Variants in TFCP2L1 observed in about 807,000 individuals in gnomAD.
The protein encoded by TFCP2L1 is transcription factor CP2-like protein 1.
In TFCP2L1, 12 loss-of-function variants were observed where a neutral mutation model predicts 72.2. The observed-to-expected ratio is 0.17, with a 90% CI of 0.11 to 0.27. TFCP2L1 has a LOEUF of 0.27. Among genes scored for constraint, TFCP2L1 ranks in the 10% least tolerant of loss-of-function variants. TFCP2L1 has a pLI of 1.00. For synonymous variants in TFCP2L1, 260 were observed against 251.0 expected, an observed-to-expected ratio of 1.04 and a Z score of -0.34; for missense variants, 488 against 624.6, an observed-to-expected ratio of 0.78 and a Z score of 2.33.
Position 121,219,563 on chromosome 2 carries a change from A to G in TFCP2L1, c.*4778T>C, listed in dbSNP as rs561136118. 1.3e-5 allele frequency: 2 copies of G among 152,344 alleles called. No individual in the cohort carries two copies. The highest frequency in any genetic ancestry group is 4.1e-4 in the South Asian group (2 of 4,824). The allele number at this position is 152,344 out of a possible 1,614,324, so 9.4% of individuals were successfully genotyped here. On this transcript the variant is annotated 3_prime_UTR_variant, in exon 15 of 15. Transcript: ENST00000263707. ...GCATGCCGCCTTGCACTGCAGGAGC[A>G]CTGGTGGCACTGTGTACAACCAGGA...
intron 2 of TFCP2L1, among the ~76,000 whole-genome samples, chr2:121,251,818 A>G (rs1396261873): frequency 6.6e-6 from 1 of 152,242 alleles, no homozygotes; most frequent in South Asian, 2.1e-4. Flanking sequence ...TGTTTTTAAA[A>G]GTCACTTTCT....
At chr2:121,252,857 T>C (rs1686639491) in intron 2 of TFCP2L1, among the ~76,000 whole-genome samples, 2 of 152,148 alleles carry the variant, frequency 1.3e-5, no homozygotes, top group South Asian at 4.2e-4. Flanking sequence ...CACCAAAGAA[T>C]AATGGAATGG....
rs766834166 is a variant in TFCP2L1, at chr2:121,246,804, C to A, written c.657+14G>T. The A allele has an allele frequency of 1.2e-6, 2 of 1,613,908 alleles. No individual in the cohort carries two copies. The highest frequency in any genetic ancestry group is 8.5e-7 in the Non-Finnish European group (1 of 1,179,862). On this transcript the variant is annotated intron_variant, in intron 6 of 14. Transcript: ENST00000263707. ...CAGCAGCAGGGCACGGCAGAGCCTGCGAAGCCATCCTACCTTGAACACCTT... is the reference window on the plus strand; with the variant it reads ...CAGCAGCAGGGCACGGCAGAGCCTGAGAAGCCATCCTACCTTGAACACCTT...
At chr2:121,281,346 G>C (rs1255871397) in intron 1 of TFCP2L1, 75 bp from the exon 2 acceptor site, 69 of 1,498,840 alleles carry the variant, frequency 4.6e-5, no homozygotes, top group Non-Finnish European at 5.8e-5. Flanking sequence ...CGAAGCTAGA[G>C]AGACGACGCA....
chr2:121,246,787 G>A, intron 6 of TFCP2L1, 31 bp downstream of exon 6: 1 of 1,613,270 alleles, frequency 6.2e-7, no homozygotes, highest in Non-Finnish European at 8.5e-7. Flanking sequence ...GCCAGCAGCA[G>A]GGCACGGCAG....
chr2:121,266,823 C>T (rs1686939610), intron 2 of TFCP2L1, among the ~76,000 whole-genome samples: 1 of 152,056 alleles, frequency 6.6e-6, no homozygotes, highest in Admixed American at 6.6e-5. Flanking sequence ...TTTTGGCTGG[C>T]TCTTTTTCCT....
chr2:121,277,760 T>C (rs1364151820), intron 2 of TFCP2L1, among the ~76,000 whole-genome samples: 1 of 151,952 alleles, frequency 6.6e-6, no homozygotes, highest in African/African-American at 2.4e-5. Flanking sequence ...GGCTGACAAA[T>C]ATAGTAAATG....
At chr2:121,281,608 T>C (rs1275240340) in intron 1 of TFCP2L1, among the ~76,000 whole-genome samples, 2 of 152,250 alleles carry the variant, frequency 1.3e-5, no homozygotes, top group East Asian at 3.9e-4. Flanking sequence ...TCTAAGACAT[T>C]TATTTGGTTT....
At chr2:121,232,858 C>G (rs13385912) in intron 12 of TFCP2L1, among the ~76,000 whole-genome samples, 4,363 of 152,198 alleles carry the variant, frequency 0.029, 212 homozygotes, top group African/African-American at 0.099. Flanking sequence ...CTGCACCAGC[C>G]AGGCAGGAGC....
At chr2:121,238,286 G>T (rs1686292264) in intron 8 of TFCP2L1, among the ~76,000 whole-genome samples, 2 of 152,166 alleles carry the variant, frequency 1.3e-5, no homozygotes, top group Admixed American at 6.5e-5. Flanking sequence ...TTGTCAGGTG[G>T]TGAGGGGAGA....
In TFCP2L1 at chr2:121,249,018, G is replaced by T; in HGVS notation, c.361C>A (p.Arg121=). Residue 121 remains arginine (R), a synonymous_variant, in exon 4 of 15, where the codon CGG becomes AGG. Transcript: ENST00000263707. ...YTEHQQLEGW[R]WSRPGDRILD... is the part of the protein sequence containing the mutation. ...ATCCGGTCCCCTGGCCGACTCCACCGCCAGCCCTCCAGCTGCTGGTGCTCC... is the reference window on the plus strand; with the variant it reads ...ATCCGGTCCCCTGGCCGACTCCACCTCCAGCCCTCCAGCTGCTGGTGCTCC... The T allele has an allele frequency of 6.2e-7, 1 of 1,602,418 alleles. No individual in the cohort carries two copies.
intron 6 of TFCP2L1, 117 bp from the exon 7 acceptor site, chr2:121,242,586 C>A: frequency 1.1e-6 from 1 of 890,532 alleles, no homozygotes; most frequent in South Asian, 1.4e-5. Flanking sequence ...AACTCAGGGG[C>A]AGGACAGCAC....
chr2:121,245,913 C>G (rs1314606152), intron 6 of TFCP2L1, among the ~76,000 whole-genome samples: 1 of 152,248 alleles, frequency 6.6e-6, no homozygotes, highest in Non-Finnish European at 1.5e-5. Context: ...TAAAGCAACT[C>G]CCTCTTGGGT....
At chr2:121,277,746 A>G (rs1383749607) in intron 2 of TFCP2L1, among the ~76,000 whole-genome samples, 1 of 152,226 alleles carries the variant, frequency 6.6e-6, no homozygotes, top group Non-Finnish European at 1.5e-5. Context: ...CAATGACATG[A>G]GACGGCTGAC....
rs563463015 is a variant in TFCP2L1 at position 121,230,450 on chromosome 2, G to A, written c.1341+1376C>T. ...GCCTCCCAAAGTGCTGGGATTACAG[G>A]TGTGAGCCACCGCACCCAGCCACAG... On this transcript the variant is annotated intron_variant, in intron 13 of 14. Coordinates refer to ENST00000263707, the MANE Select transcript of TFCP2L1 (RefSeq NM_014553.3). Among the ~76,000 whole-genome samples the A allele has an allele frequency of 2.0e-5, 3 of 152,162 alleles. No homozygotes were observed. In the South Asian group the frequency reaches 6.2e-4, roughly 32 times the overall value.
At chr2:121,280,452 G>T (rs1164007432) in intron 2 of TFCP2L1, among the ~76,000 whole-genome samples, 2 of 152,098 alleles carry the variant, frequency 1.3e-5, no homozygotes, top group South Asian at 4.1e-4. Context: ...ACACAATCAT[G>T]GTCACAATAA....
intron 2 of TFCP2L1, among the ~76,000 whole-genome samples, chr2:121,266,162 G>GT (rs1035621995): frequency 6.8e-5 from 10 of 147,966 alleles, no homozygotes; most frequent in Middle Eastern, 3.5e-3. Context: ...TTTTTTAATA[G>GT]TTTTTTTTTC....
Position 121,217,650 on chromosome 2 carries a change from CA to C in TFCP2L1, c.*6690del, listed in dbSNP as rs1451926009. The C allele has an allele frequency of 6.6e-6, 1 of 152,530 alleles. No homozygotes were observed. Among genetic ancestry groups the C allele is most frequent in the Non-Finnish European group, 1.5e-5 (1 of 68,272 alleles). 9.4% of individuals were successfully genotyped at this position (152,530 alleles called of 1,614,324 possible). A position where few individuals can be genotyped will look rare whatever the true frequency, so the allele number is the denominator to read the frequency against. On this transcript the variant is annotated 3_prime_UTR_variant, in exon 15 of 15. Coordinates refer to ENST00000263707, the MANE Select transcript of TFCP2L1 (RefSeq NM_014553.3). The stretch of plus-strand genomic sequence containing the variant: ...GAGAAGCCAAAAGGTCCTCAGTCCC[CA>C]AGGTACTAGGTGGAGGTGAGATCAG...
chr2:121,255,479 T>C (rs1298912476), intron 2 of TFCP2L1, among the ~76,000 whole-genome samples: 1 of 152,220 alleles, frequency 6.6e-6, no homozygotes, highest in Non-Finnish European at 1.5e-5. Flanking sequence ...GCCCTGTATG[T>C]ACGTCATTTC....
Sources: allele counts gnomAD v4.1 joint callset (sites outside exome capture counted in the v4.1 genomes callset), GRCh38; gene constraint gnomAD v4.1.1; transcripts MANE v1.5; gene names NCBI Gene and HGNC (gene_info 2026-07-23, HGNC 2026-07-21).